The following GRIK1 variants were observed in gnomAD, a reference collection of about 807,000 sequenced individuals.
GRIK1 encodes the protein glutamate receptor ionotropic, kainate 1.
A neutral mutation model predicts 105.7 loss-of-function variants in GRIK1; 69 were observed. The observed-to-expected ratio is 0.65, with a 90% CI of 0.54 to 0.80. GRIK1 has a LOEUF of 0.80. GRIK1 is among the 30% of genes least tolerant of loss of function. The probability of loss-of-function intolerance (pLI) is 0.00; values close to 1 mark genes in which losing one functional copy is unlikely to be tolerated. For missense variants in GRIK1, 1,109 were observed against 1,167.3 expected (o/e 0.95, Z 0.73); for synonymous variants, 438 against 431.3 (o/e 1.02, Z -0.19).
intron 7 of GRIK1, among the ~76,000 whole-genome samples, chr21:29,640,199 C>G (rs2062483967): frequency 6.6e-6 from 1 of 150,744 alleles, no homozygotes; most frequent in Non-Finnish European, 1.5e-5. Context: ...ATTTGGGGAC[C>G]AAGTTCCTTA....
chr21:29,864,043 C>T (rs1178404260), intron 1 of GRIK1, among the ~76,000 whole-genome samples: 1 of 151,926 alleles, frequency 6.6e-6, no homozygotes, highest in South Asian at 2.1e-4. Context: ...TGGAGATTCT[C>T]TGGCCACTCT....
intron 1 of GRIK1, among the ~76,000 whole-genome samples, chr21:29,785,603 A>G (rs2066239247): frequency 6.7e-6 from 1 of 149,700 alleles, no homozygotes; most frequent in Admixed American, 6.7e-5. Flanking sequence ...AAAACCCATT[A>G]CTTCATTTTT....
At chr21:29,908,479 C>T (rs1164740912) in intron 1 of GRIK1, among the ~76,000 whole-genome samples, 1 of 152,122 alleles carries the variant, frequency 6.6e-6, no homozygotes, top group African/African-American at 2.4e-5. Context: ...GGAAGCCGAA[C>T]AGCAGAGCGT....
chr21:29,665,429 C>T (rs2063041054), intron 4 of GRIK1, among the ~76,000 whole-genome samples: 2 of 152,144 alleles, frequency 1.3e-5, no homozygotes, highest in South Asian at 4.1e-4. Context: ...TAACATACTA[C>T]AAATTATCAT....
At chr21:29,623,374 G>A (rs1464287159) in intron 7 of GRIK1, among the ~76,000 whole-genome samples, 2 of 151,784 alleles carry the variant, frequency 1.3e-5, no homozygotes, top group Non-Finnish European at 2.9e-5. Flanking sequence ...TCGAGATTTG[G>A]GTGGGGACAC....
At chr21:29,767,447 C>A (rs769156448) in intron 1 of GRIK1, among the ~76,000 whole-genome samples, 2 of 151,452 alleles carry the variant, frequency 1.3e-5, no homozygotes, top group Non-Finnish European at 2.9e-5. Flanking sequence ...TAAGAGAATA[C>A]AACCTGTCTG....
intron 1 of GRIK1, among the ~76,000 whole-genome samples, chr21:29,740,173 C>G (rs1005783610): frequency 1.3e-5 from 2 of 151,862 alleles, no homozygotes; most frequent in Admixed American, 6.6e-5. Context: ...CCACATGGTC[C>G]TTATCACATG....
At chr21:29,772,841 A>G (rs970660587) in intron 1 of GRIK1, among the ~76,000 whole-genome samples, 14 of 152,248 alleles carry the variant, frequency 9.2e-5, no homozygotes, top group African/African-American at 3.4e-4. Flanking sequence ...GATAAATATC[A>G]TGTTTCAGAA....
chr21:29,930,636 C>T (rs1023863740), intron 1 of GRIK1, among the ~76,000 whole-genome samples: 1 of 152,164 alleles, frequency 6.6e-6, no homozygotes, highest in African/African-American at 2.4e-5. Context: ...CATCAATATT[C>T]AACGGTAAAT....
At chr21:29,642,638 C>T (rs1049666826) in intron 7 of GRIK1, among the ~76,000 whole-genome samples, 188 bp downstream of exon 7, 1 of 152,216 alleles carries the variant, frequency 6.6e-6, no homozygotes. Flanking sequence ...CTCAGCATCA[C>T]AATGGAAAAT....
At chr21:29,697,773 CTT>C (rs1334779978) in intron 1 of GRIK1, among the ~76,000 whole-genome samples, 1 of 152,140 alleles carries the variant, frequency 6.6e-6, no homozygotes, top group Admixed American at 6.5e-5. Context: ...GATGTAGAGT[CTT>C]TAATAAGCAG....
chr21:29,754,901 A>T (rs1184929179), intron 1 of GRIK1, among the ~76,000 whole-genome samples: 1 of 152,108 alleles, frequency 6.6e-6, no homozygotes, highest in African/African-American at 2.4e-5. Context: ...TTTCAGACTT[A>T]TCTAGTCTCC....
chr21:29,652,557 G>A (rs938565643), intron 5 of GRIK1, among the ~76,000 whole-genome samples: 1 of 152,192 alleles, frequency 6.6e-6, no homozygotes, highest in Non-Finnish European at 1.5e-5. Flanking sequence ...TCATCCTGGT[G>A]TTTTCTATTA....
intron 7 of GRIK1, among the ~76,000 whole-genome samples, chr21:29,631,390 G>A (rs574681536): frequency 3.2e-4 from 48 of 152,326 alleles, no homozygotes; most frequent in African/African-American, 1.1e-3. Context: ...ATACAGCAGT[G>A]CTGCTTCTCT....
chr21:29,651,285 A>C lies in GRIK1; in HGVS notation c.787T>G (p.Phe263Val). ...YHYFFTTLDLFALDLELYRYS... is the reference protein window; with the variant it reads ...YHYFFTTLDLVALDLELYRYS... ...CTATAGAGTTCCAGATCCAAAGCAAATAAGTCCTGCATAGTATCAAAAAGG... is the reference window on the plus strand; with the variant it reads ...CTATAGAGTTCCAGATCCAAAGCAACTAAGTCCTGCATAGTATCAAAAAGG... Residue 263 changes from phenylalanine to valine, a missense_variant, in exon 6 of 18, where the codon TTT (phenylalanine) becomes GTT (valine). Transcript: ENST00000327783. 6.2e-7 allele frequency: 1 copy of C among 1,608,124 alleles called. No homozygotes were observed. Among genetic ancestry groups the C allele is most frequent in the Non-Finnish European group, 8.5e-7 (1 of 1,175,548 alleles).
Position 29,537,368 on chromosome 21 carries a change from A to T in GRIK1, c.2712T>A (p.Ala904=). The T allele has an allele frequency of 1.2e-6, 2 of 1,610,894 alleles. No individual in the cohort carries two copies. The highest frequency in any genetic ancestry group is 8.5e-7 in the Non-Finnish European group (1 of 1,178,314). Residue 904 remains alanine, a synonymous_variant, in exon 18 of 18, where the codon GCT becomes GCA. Coordinates refer to ENST00000327783, the MANE Select transcript of GRIK1 (RefSeq NM_001330994.2). Reference sequence around the variant, plus strand: ...GTGAGATTCCCAGTTCTTCCATGATAGCGTTGAAAGAGAGACACTAGGGAA... The same window carrying T: ...GTGAGATTCCCAGTTCTTCCATGATTGCGTTGAAAGAGAGACACTAGGGAA... ...LGVEKCLSFN[A]IMEELGISLK...
At chr21:29,562,107 A>AG in intron 14 of GRIK1, among the ~76,000 whole-genome samples, 1 of 152,176 alleles carries the variant, frequency 6.6e-6, no homozygotes, top group Non-Finnish European at 1.5e-5. Context: ...CACTGGGCTA[A>AG]GGGGTGACTA....
intron 1 of GRIK1, among the ~76,000 whole-genome samples, chr21:29,895,712 TGCAGG>T (rs2070120735): frequency 6.6e-6 from 1 of 152,182 alleles, no homozygotes; most frequent in Non-Finnish European, 1.5e-5. Flanking sequence ...CTTTAATACA[TGCAGG>T]ACAGTATCAT....
chr21:29,793,390 A>G (rs975762844), intron 1 of GRIK1, among the ~76,000 whole-genome samples: 5 of 152,092 alleles, frequency 3.3e-5, no homozygotes, highest in African/African-American at 7.2e-5. Context: ...CTGCTTCCAT[A>G]TGTAACAGCC....
Sources: allele counts gnomAD v4.1 joint callset (sites outside exome capture counted in the v4.1 genomes callset), GRCh38; gene constraint gnomAD v4.1.1; transcripts MANE v1.5; gene names NCBI Gene and HGNC (gene_info 2026-07-23, HGNC 2026-07-21).